Variants in FBXO36 observed in about 807,000 individuals in gnomAD.
The protein encoded by FBXO36 is F-box only protein 36.
FBXO36 carries 18 observed loss-of-function variants against 17.0 expected under a neutral mutation model. The observed-to-expected ratio is 1.06, with a 90% CI of 0.73 to 1.57. The LOEUF is 1.57. Ranked by LOEUF, FBXO36 falls within the 40% of genes most tolerant of loss-of-function variation. FBXO36 has a pLI of 0.00. For missense variants in FBXO36, 229 were observed against 221.9 expected (o/e 1.03, Z -0.20); for synonymous variants, 83 against 85.3 (o/e 0.97, Z 0.15).
chr2:229,987,076 C>T (rs1350400311), intron 2 of FBXO36, among the ~76,000 whole-genome samples: 3 of 151,464 alleles, frequency 2.0e-5, no homozygotes, highest in Non-Finnish European at 4.4e-5. Context: ...AAAAATTAGC[C>T]AGGCGTGTTG....
At chr2:229,998,553 C>T (rs958973538) in intron 3 of FBXO36, among the ~76,000 whole-genome samples, 2 of 150,402 alleles carry the variant, frequency 1.3e-5, no homozygotes, top group South Asian at 2.1e-4. Context: ...ACCCGGGAGG[C>T]GGAGGTTGTG....
intron 2 of FBXO36, among the ~76,000 whole-genome samples, chr2:229,986,100 C>T (rs2077266393): frequency 6.6e-6 from 1 of 152,130 alleles, no homozygotes; most frequent in South Asian, 2.1e-4. Context: ...GAAAATAAGT[C>T]TCCCTCTGAC....
chr2:229,935,773 C>T (rs917906374), intron 1 of FBXO36, among the ~76,000 whole-genome samples: 2 of 152,152 alleles, frequency 1.3e-5, no homozygotes, highest in Admixed American at 6.5e-5. Flanking sequence ...CAGCTCATTC[C>T]GTTACCAAAT....
chr2:229,940,432 T>A (rs764646596), intron 1 of FBXO36, among the ~76,000 whole-genome samples: 7 of 152,172 alleles, frequency 4.6e-5, no homozygotes, highest in Non-Finnish European at 1.0e-4. Context: ...CTTAGGTGTG[T>A]ATCTGATTTA....
chr2:229,952,729 T>C (rs980112320), intron 1 of FBXO36, among the ~76,000 whole-genome samples: 1 of 152,140 alleles, frequency 6.6e-6, no homozygotes, highest in African/African-American at 2.4e-5. Context: ...ATTAGGCACC[T>C]TATTCTGCAG....
rs187424443 is a variant in FBXO36, at chr2:229,983,268, G to A, written c.205+6919G>A. The stretch of plus-strand genomic sequence containing the variant: ...CTTATGCTTGTAATCCAAGCTACTC[G>A]GGAGGCTGAGGCAGGAGAATCGCTT... On this transcript the variant is annotated intron_variant, in intron 2 of 3. Transcript: ENST00000283946. Among the ~76,000 whole-genome samples, 370 of 152,080 alleles carry A rather than the reference G, an allele frequency of 2.4e-3. 1 individual carries two copies. Among genetic ancestry groups the A allele is most frequent in the African/African-American group, 8.5e-3 (353 of 41,484 alleles).
At chr2:229,925,710 T>C (rs1050756815) in intron 1 of FBXO36, among the ~76,000 whole-genome samples, 1 of 152,204 alleles carries the variant, frequency 6.6e-6, no homozygotes, top group African/African-American at 2.4e-5. Context: ...AGGGCAGATA[T>C]TTCTCTCATT....
chr2:229,972,579 G>A (rs2077186184), intron 1 of FBXO36, among the ~76,000 whole-genome samples: 1 of 151,896 alleles, frequency 6.6e-6, no homozygotes, highest in South Asian at 2.1e-4. Context: ...TGCCCCTATG[G>A]AGCATACTCT....
At chr2:229,998,332 G>A (rs1171992264) in intron 3 of FBXO36, among the ~76,000 whole-genome samples, 2 of 151,894 alleles carry the variant, frequency 1.3e-5, no homozygotes, top group Non-Finnish European at 2.9e-5. Context: ...AAAATTAGCT[G>A]AGTGTTATGG....
chr2:229,955,335 G>A (rs1256362708), intron 1 of FBXO36, among the ~76,000 whole-genome samples: 2 of 151,990 alleles, frequency 1.3e-5, no homozygotes, highest in Non-Finnish European at 2.9e-5. Context: ...TTGAGCCTGG[G>A]CAATATGGCA....
At chr2:229,924,425 A>G (rs1260485710) in intron 1 of FBXO36, among the ~76,000 whole-genome samples, 1 of 151,922 alleles carries the variant, frequency 6.6e-6, no homozygotes, top group Non-Finnish European at 1.5e-5. Flanking sequence ...ACATTTCTTC[A>G]CCTCCTAACA....
intron 1 of FBXO36, chr2:229,939,192 T>C (rs1384086050): frequency 2.1e-6 from 2 of 974,048 alleles, no homozygotes; most frequent in Admixed American, 6.3e-5. Flanking sequence ...TATCTGGGAT[T>C]ACAGGCATGA....
At chr2:229,979,639 G>C (rs1323919121) in intron 2 of FBXO36, among the ~76,000 whole-genome samples, 2 of 151,774 alleles carry the variant, frequency 1.3e-5, no homozygotes, top group Non-Finnish European at 2.9e-5. Flanking sequence ...AATTAGCCGG[G>C]TGTGGTTGTG....
At chr2:229,982,749 G>A (rs2077247141) in intron 2 of FBXO36, among the ~76,000 whole-genome samples, 1 of 135,678 alleles carries the variant, frequency 7.4e-6, no homozygotes. Flanking sequence ...AGAAGTGGCA[G>A]TGACCCAAGA....
At chr2:229,999,474 AGT>A (rs749644808) in intron 3 of FBXO36, among the ~76,000 whole-genome samples, 7 of 145,822 alleles carry the variant, frequency 4.8e-5, no homozygotes, top group Non-Finnish European at 7.5e-5. Context: ...TCCTTTTGAG[AGT>A]GTGTGTGTGT....
intron 2 of FBXO36, among the ~76,000 whole-genome samples, chr2:229,995,588 C>CTTTTTTTTTTTTTTTTTTT (rs1560454291): frequency 8.2e-6 from 1 of 121,344 alleles, no homozygotes; most frequent in African/African-American, 3.2e-5. Context: ...CTTTCTCTTT[C>CTTTTTTTTTTTTTTTTTTT]TTTCTTTCTT....
At position 229,972,074 on chromosome 2, in the gene FBXO36, A is replaced by G. The variant is rs537510213; in HGVS notation, c.97-4167A>G. The stretch of plus-strand genomic sequence containing the variant: ...AATGACACGATCTTGGCTCACTGCA[A>G]CCTCCGCCTCCTGGGTTCAAGTGAT... On this transcript the variant is annotated intron_variant, in intron 1 of 3. Transcript: ENST00000283946. Among the ~76,000 whole-genome samples, 17 of 147,496 alleles carry G rather than the reference A, an allele frequency of 1.2e-4. No homozygotes were observed. In the East Asian group the frequency reaches 3.0e-3, roughly 26 times the overall value.
At chr2:229,936,342 T>C (rs1032330296) in intron 1 of FBXO36, among the ~76,000 whole-genome samples, 1 of 152,214 alleles carries the variant, frequency 6.6e-6, no homozygotes, top group African/African-American at 2.4e-5. Context: ...GCAAAAATCC[T>C]TGGCTAATGA....
intron 3 of FBXO36, among the ~76,000 whole-genome samples, chr2:230,009,321 GT>G (rs2077402806): frequency 6.6e-6 from 1 of 152,168 alleles, no homozygotes; most frequent in Non-Finnish European, 1.5e-5. Flanking sequence ...TCATGCCTAT[GT>G]TTGTGTGAAC....
Sources: allele counts gnomAD v4.1 joint callset (sites outside exome capture counted in the v4.1 genomes callset), GRCh38; gene constraint gnomAD v4.1.1; transcripts MANE v1.5; gene names NCBI Gene and HGNC (gene_info 2026-07-23, HGNC 2026-07-21).